Variants in GAPVD1 observed in about 807,000 individuals in gnomAD.
The protein encoded by GAPVD1 is GTPase-activating protein and VPS9 domain-containing protein 1.
GAPVD1 carries 35 observed loss-of-function variants against 155.5 expected under a neutral mutation model. That is an observed-to-expected ratio of 0.23 (90% confidence interval 0.17 to 0.30). The LOEUF is 0.30. Among genes scored for constraint, GAPVD1 ranks in the 10% least tolerant of loss-of-function variants. The pLI is 1.00. For missense variants in GAPVD1, 1,429 were observed against 1,775.7 expected (o/e 0.80, Z 3.51); for synonymous variants, 636 against 619.7 (o/e 1.03, Z -0.39).
intron 2 of GAPVD1, among the ~76,000 whole-genome samples, chr9:125,274,497 C>G (rs149078113): frequency 0.014 from 1,867 of 136,582 alleles, 100 homozygotes; most frequent in East Asian, 0.092. Context: ...GAGTTTCACT[C>G]TTGTTGCCCA....
chr9:125,316,115 C>T (rs567977575), intron 9 of GAPVD1, among the ~76,000 whole-genome samples: 1 of 152,186 alleles, frequency 6.6e-6, no homozygotes, highest in African/African-American at 2.4e-5. Flanking sequence ...ATAGTCACTA[C>T]AACAAGCAGC....
At chr9:125,276,025 G>A (rs112582090) in intron 2 of GAPVD1, among the ~76,000 whole-genome samples, 20 of 152,278 alleles carry the variant, frequency 1.3e-4, no homozygotes, top group African/African-American at 4.6e-4. Context: ...GAAAATTAGT[G>A]TATTGAGGGT....
chr9:125,323,961 G>T lies in GAPVD1; in HGVS notation c.1858+38G>T, dbSNP rs766375230. ...TGAACACAGTTGCCTAAGTAGCAAA[G>T]AATTTACCTGATTGCAAGATGAGCA... On this transcript the variant is annotated intron_variant, in intron 11 of 27. Coordinates refer to ENST00000297933, the MANE Select transcript of GAPVD1 (RefSeq NM_001282680.3). 1.9e-6 allele frequency: 3 copies of T among 1,585,764 alleles called. No individual in the cohort carries two copies. In the African/African-American group the frequency reaches 4.1e-5, roughly 21 times the overall value.
Position 125,302,500 on chromosome 9 carries a change from T to A in GAPVD1, c.703T>A (p.Phe235Ile). ...RFSPSQQEKL[F>I]GEKGSDRFRQ... ...CTCTCCATCTCAGCAGGAAAAACTC[T>A]TTGGAGAGAAGGGCTCAGATAGATT... Residue 235 changes from phenylalanine to isoleucine, a missense_variant, in exon 5 of 28, where the codon TTT becomes ATT. Coordinates refer to ENST00000297933, the MANE Select transcript of GAPVD1 (RefSeq NM_001282680.3). 6.2e-7 allele frequency: 1 copy of A among 1,613,880 alleles called. No homozygotes were observed. The highest frequency in any genetic ancestry group is 8.5e-7 in the Non-Finnish European group (1 of 1,179,992).
At chr9:125,320,901 C>T (rs1003399047) in intron 9 of GAPVD1, among the ~76,000 whole-genome samples, 1 of 152,220 alleles carries the variant, frequency 6.6e-6, no homozygotes, top group Admixed American at 6.5e-5. Context: ...GCTGAGATTA[C>T]AGGCGTGATC....
In GAPVD1 at chr9:125,367,061, CAG is replaced by C. The variant is rs1851503625; in HGVS notation, c.*4317_*4318del. ...AAAAGCTGTACTGCCTCTTTTGAAA[CAG>C]ATAAAACCTTTCTATAAGTCTCAAT... On this transcript the variant is annotated 3_prime_UTR_variant, in exon 28 of 28. Transcript: ENST00000297933. 6.6e-6 allele frequency: 1 copy of C among 152,218 alleles called. No homozygotes were observed. The highest frequency in any genetic ancestry group is 6.5e-5 in the Admixed American group (1 of 15,280). The allele number at this position is 152,218 out of a possible 1,614,324, so 9.4% of individuals were successfully genotyped here. A position where few individuals can be genotyped will look rare whatever the true frequency, so the allele number is the denominator to read the frequency against.
chr9:125,349,799 G>T (rs1462398439), intron 21 of GAPVD1, among the ~76,000 whole-genome samples: 1 of 151,180 alleles, frequency 6.6e-6, no homozygotes, highest in South Asian at 2.1e-4. Context: ...AGGAGTTGGA[G>T]ACCAGCTTGG....
At position 125,304,942 on chromosome 9, in the gene GAPVD1, G is replaced by A. The variant is rs10986695; in HGVS notation, c.1030-121G>A. 2.1e-3 allele frequency: 1,206 copies of A among 579,996 alleles called. 26 individuals are homozygous for A. In the East Asian group the frequency reaches 0.033, roughly 16 times the overall value. 35.9% of individuals were successfully genotyped at this position (579,996 alleles called of 1,614,324 possible). On this transcript the variant is annotated intron_variant, in intron 5 of 27. Transcript: ENST00000297933. The stretch of plus-strand genomic sequence containing the variant: ...TACTATTTCATATGCCTGGTCAGGT[G>A]ATATGAATAGTATTATGAAACAGAT...
At chr9:125,265,334 C>G (rs1833687450) in intron 1 of GAPVD1, among the ~76,000 whole-genome samples, 1 of 151,806 alleles carries the variant, frequency 6.6e-6, no homozygotes, top group Non-Finnish European at 1.5e-5. Context: ...AACTCCTGGA[C>G]TTGAGTGATC....
At chr9:125,303,026 G>T (rs1841157248) in intron 5 of GAPVD1, among the ~76,000 whole-genome samples, 200 bp downstream of exon 5, 1 of 152,012 alleles carries the variant, frequency 6.6e-6, no homozygotes, top group Non-Finnish European at 1.5e-5. Context: ...AAAACATTTT[G>T]TCTTTGTCTG....
rs765385658 is a variant in GAPVD1 at position 125,349,428 on chromosome 9, C to G, written c.3208C>G (p.Arg1070Gly). Reference protein sequence around the residue: ...GDGESAHDSPRDEALQNISAD... With the variant: ...GDGESAHDSPGDEALQNISAD... ...TGGTGAAAGTGCACATGATTCTCCC[C>G]GTGACGAAGCACTGCAGAACATCTC... The change falls in exon 21 of 28, where the codon CGT (arginine) becomes GGT (glycine). Residue 1070 changes from arginine to glycine, a missense_variant. This residue lies in a region of GAPVD1 where 699 missense variants were observed against 826.0 expected (regional missense o/e 0.85). Coordinates refer to ENST00000297933, the MANE Select transcript of GAPVD1 (RefSeq NM_001282680.3). The G allele has an allele frequency of 6.2e-7, 1 of 1,613,660 alleles. No homozygotes were observed.
chr9:125,302,933 C>T (rs1841130087), intron 5 of GAPVD1, 107 bp downstream of exon 5: 3 of 1,363,124 alleles, frequency 2.2e-6, no homozygotes, highest in Non-Finnish European at 3.0e-6. Context: ...TATATTCTTA[C>T]AACTTTTTCT....
chr9:125,328,749 G>C (rs1469221417), intron 12 of GAPVD1, among the ~76,000 whole-genome samples: 7 of 151,810 alleles, frequency 4.6e-5, no homozygotes, highest in Non-Finnish European at 8.8e-5. Context: ...GCCGGGCAGA[G>C]GGGCTCCTCA....
At chr9:125,263,932 C>G (rs762621045) in intron 1 of GAPVD1, 6 of 1,443,400 alleles carry the variant, frequency 4.2e-6, no homozygotes, top group Non-Finnish European at 5.8e-6. Flanking sequence ...ACTGTTCCTT[C>G]ATGTAGCCTT....
chr9:125,328,694 C>G (rs1441882144), intron 12 of GAPVD1, among the ~76,000 whole-genome samples: 1 of 151,494 alleles, frequency 6.6e-6, no homozygotes, highest in African/African-American at 2.4e-5. Flanking sequence ...TCATCCTGGC[C>G]CGTTCTCAAT....
intron 15 of GAPVD1, among the ~76,000 whole-genome samples, chr9:125,333,111 C>T (rs911029271): frequency 6.6e-6 from 1 of 151,884 alleles, no homozygotes; most frequent in African/African-American, 2.4e-5. Context: ...CTTGTGCTGT[C>T]ACCCAGGCTG....
intron 16 of GAPVD1, 27 bp downstream of exon 16, chr9:125,337,122 C>T (rs1249668067): frequency 6.3e-7 from 1 of 1,598,854 alleles, no homozygotes. Context: ...AACTTTTTCA[C>T]TTATGTCACA....
At position 125,293,880 on chromosome 9, in the gene GAPVD1, A is replaced by T. The variant is rs1259163316; in HGVS notation, c.-149-1578A>T. Among the ~76,000 whole-genome samples, 38 of 20,404 alleles carry T rather than the reference A, an allele frequency of 1.9e-3. 2 individuals are homozygous for T. Among genetic ancestry groups the T allele is most frequent in the African/African-American group, 7.4e-3 (36 of 4,882 alleles). 13.4% of individuals were successfully genotyped at this position (20,404 alleles called of 152,430 possible). ...TATATATATATATATATATATATATATATATATATATATATATATATATAA... is the reference window on the plus strand; with the variant it reads ...TATATATATATATATATATATATATTTATATATATATATATATATATATAA... On this transcript the variant is annotated intron_variant, in intron 2 of 27. Transcript: ENST00000297933.
chr9:125,342,379 C>A, intron 19 of GAPVD1, 80 bp downstream of exon 19: 1 of 813,004 alleles, frequency 1.2e-6, no homozygotes, highest in Non-Finnish European at 2.2e-6. Context: ...GTGCCATAAG[C>A]GTTGCCTTTC....
Sources: gnomAD v4.1 joint callset for allele counts (sites outside exome capture counted in the v4.1 genomes callset) on GRCh38, gnomAD v4.1.1 for gene constraint, gnomAD v4.1.1 regional missense constraint, MANE v1.5 for transcripts, NCBI Gene and HGNC (gene_info 2026-07-23, HGNC 2026-07-21) for gene names.